SATL1: variants seen among roughly 807,000 people sequenced by gnomAD.
SATL1 encodes the protein spermidine/spermine N(1)-acetyltransferase-like protein 1.
A neutral mutation model predicts 51.8 loss-of-function variants in SATL1; 47 were observed. The observed-to-expected ratio is 0.91, with a 90% CI of 0.72 to 1.16. SATL1 has a LOEUF of 1.16. Ranked by LOEUF, SATL1 falls within the 50% of genes most tolerant of loss-of-function variation. SATL1 has a pLI of 0.00. For synonymous variants in SATL1, 176 were observed against 182.4 expected (o/e 0.97, Z 0.28); for missense variants, 520 against 526.4 (o/e 0.99, Z 0.12).
intron 2 of SATL1, among the ~76,000 whole-genome samples, chrX:85,202,146 G>A (rs192403907): frequency 9.0e-5 from 10 of 111,665 alleles, no homozygotes; most frequent in African/African-American, 3.2e-4. Flanking sequence ...TTTAATAATA[G>A]CTATTCTGAC....
chrX:85,094,771 A>C, intron 5 of SATL1, 145 bp downstream of exon 5: 1 of 436,900 alleles, frequency 2.3e-6, no homozygotes, highest in Non-Finnish European at 4.1e-6. Context: ...AAACATAAGT[A>C]CATACCATGC....
chrX:85,094,973 C>T lies in SATL1; in HGVS notation c.1717G>A (p.Asp573Asn), dbSNP rs779175858. 4 of 1,163,470 alleles carry T rather than the reference C, an allele frequency of 3.4e-6. No homozygotes were observed. The highest frequency in any genetic ancestry group is 4.7e-6 in the Non-Finnish European group (4 of 854,311). Reference sequence around the variant, plus strand: ...ATCAGGCAGTAGAAAAGGGGATTGTCCCCAAAGCCATCTCTGAGTAAATCT... The same window carrying T: ...ATCAGGCAGTAGAAAAGGGGATTGTTCCCAAAGCCATCTCTGAGTAAATCT... ...AADLLRDGFG[D>N]NPLFYCLIAE... is the part of the protein sequence containing the mutation. The change falls in exon 5 of 8, where the codon GAC (aspartate) becomes AAC (asparagine). Residue 573 changes from aspartate (D) to asparagine (N), a missense_variant. Around this residue, in one of 3 missense-constraint regions of SATL1, gnomAD observed 488 missense variants for 474.3 expected, o/e 1.03. Coordinates refer to ENST00000644105, the MANE Select transcript of SATL1 (RefSeq NM_001367857.2).
chrX:85,209,516 T>G (rs1301290006), intron 2 of SATL1: 1 of 111,874 alleles, frequency 8.9e-6, no homozygotes, highest in Non-Finnish European at 1.9e-5. Context: ...GAGCATGGAA[T>G]ATTCTTCCAT....
intron 2 of SATL1, among the ~76,000 whole-genome samples, chrX:85,163,149 C>T (rs1054434887): frequency 9.2e-6 from 1 of 108,486 alleles, no homozygotes; most frequent in African/African-American, 3.4e-5. Context: ...TGATAGAATT[C>T]AGCTGTGAAT....
chrX:85,225,040 C>T (rs764120134), intron 1 of SATL1, among the ~76,000 whole-genome samples: 1 of 111,392 alleles, frequency 9.0e-6, no homozygotes, highest in Non-Finnish European at 1.9e-5. Flanking sequence ...CATACTGTAA[C>T]TCCATTTTTA....
At chrX:85,234,038 T>A (rs1928433737) in intron 1 of SATL1, among the ~76,000 whole-genome samples, 1 of 110,771 alleles carries the variant, frequency 9.0e-6, no homozygotes, top group Non-Finnish European at 1.9e-5. Context: ...GAAAGGATAC[T>A]AAACACAGCA....
chrX:85,164,723 A>AT lies in SATL1; in HGVS notation c.-312-55444dup, dbSNP rs200523833. On this transcript the variant is annotated intron_variant, in intron 2 of 7. Transcript: ENST00000644105. Reference sequence around the variant, plus strand: ...TAATGACTATGTGCCTAGGTGATGAATTTTTTTTTTTTTTTTTTTAGATGG... The same window carrying AT: ...TAATGACTATGTGCCTAGGTGATGAATTTTTTTTTTTTTTTTTTTTAGATGG... 5.1e-3 allele frequency among the ~76,000 whole-genome samples: 474 copies of AT among 92,941 alleles called. 3 individuals carry two copies. Among genetic ancestry groups the AT allele is most frequent in the African/African-American group, 9.7e-3 (248 of 25,560 alleles). 80.7% of individuals were successfully genotyped at this position (92,941 alleles called of 115,157 possible). A position where few individuals can be genotyped will look rare whatever the true frequency, so the allele number is the denominator to read the frequency against.
chrX:85,148,208 G>A (rs760961211), intron 2 of SATL1, among the ~76,000 whole-genome samples: 41 of 111,740 alleles, frequency 3.7e-4, no homozygotes, highest in Admixed American at 6.7e-4. Context: ...GCAATCAACT[G>A]GAAGAAAGGG....
rs756568558 is a variant in SATL1, at chrX:85,095,808, A to G, written c.1694-812T>C. Among the ~76,000 whole-genome samples the G allele has an allele frequency of 8.3e-4, 73 of 88,142 alleles. 1 individual carries two copies. Among genetic ancestry groups the G allele is most frequent in the African/African-American group, 3.0e-3 (68 of 22,791 alleles). 76.5% of individuals were successfully genotyped at this position (88,142 alleles called of 115,157 possible). A position where few individuals can be genotyped will look rare whatever the true frequency, so the allele number is the denominator to read the frequency against. On this transcript the variant is annotated intron_variant, in intron 4 of 7. Transcript: ENST00000644105. ...GCCACTGCACTCCAGCCTGGGCGACAGAGCGAGACTCCGTCTCAAAAAAAA... is the reference window on the plus strand; with the variant it reads ...GCCACTGCACTCCAGCCTGGGCGACGGAGCGAGACTCCGTCTCAAAAAAAA...
At position 85,192,714 on chromosome X, in the gene SATL1, T is replaced by C. The variant is rs576232837; in HGVS notation, c.-313+31491A>G. 7.2e-5 allele frequency among the ~76,000 whole-genome samples: 8 copies of C among 111,727 alleles called. No homozygotes were observed. The East Asian group carries it at 2.0e-3, about 27-fold the overall frequency. On this transcript the variant is annotated intron_variant, in intron 2 of 7. Transcript: ENST00000644105. ...CATACTACATTGAATTATAAAAATA[T>C]GTCAATCCATATTCCGCATTAGTTT... is the stretch of plus-strand genomic sequence containing the variant.
chrX:85,148,954 C>G (rs1470453192), intron 2 of SATL1, among the ~76,000 whole-genome samples: 6 of 110,663 alleles, frequency 5.4e-5, no homozygotes, highest in Non-Finnish European at 1.1e-4. Flanking sequence ...GGATCAAATT[C>G]ACACATAACA....
chrX:85,166,929 ATATATATGTGTATG>A (rs1188579707), intron 2 of SATL1, among the ~76,000 whole-genome samples: 2 of 90,270 alleles, frequency 2.2e-5, no homozygotes, highest in Non-Finnish European at 4.1e-5. Flanking sequence ...ATATATATAT[ATATATATGTGTATG>A]TGTGTGTGTG....
intron 2 of SATL1, among the ~76,000 whole-genome samples, chrX:85,157,722 A>G (rs905393064): frequency 9.0e-6 from 1 of 111,720 alleles, no homozygotes; most frequent in African/African-American, 3.3e-5. Context: ...GCTATGTTCA[A>G]TAAATGTCAC....
chrX:85,092,943 T>A (rs1202029398), intron 7 of SATL1: 8 of 333,084 alleles, frequency 2.4e-5, no homozygotes, highest in Admixed American at 2.1e-4. Flanking sequence ...TTACTTTCCC[T>A]TGATAGCAAA....
At chrX:85,130,255 G>A (rs889393956) in intron 2 of SATL1, among the ~76,000 whole-genome samples, 1 of 111,350 alleles carries the variant, frequency 9.0e-6, no homozygotes, top group African/African-American at 3.3e-5. Flanking sequence ...GGTAGAATTC[G>A]GCTGTGAATC....
intron 2 of SATL1, among the ~76,000 whole-genome samples, chrX:85,125,086 C>T (rs1394079575): frequency 9.1e-6 from 1 of 110,426 alleles, no homozygotes; most frequent in Non-Finnish European, 1.9e-5. Context: ...GCAGTTCTTC[C>T]TTATCTTAGG....
intron 2 of SATL1, among the ~76,000 whole-genome samples, chrX:85,179,284 G>A (rs1020124533): frequency 9.0e-6 from 1 of 111,564 alleles, no homozygotes; most frequent in African/African-American, 3.2e-5. Flanking sequence ...TTTGAGACAA[G>A]TGCTATTCTT....
chrX:85,182,861 A>G (rs1363453461), intron 2 of SATL1, among the ~76,000 whole-genome samples: 1 of 111,262 alleles, frequency 9.0e-6, no homozygotes, highest in Non-Finnish European at 1.9e-5. Context: ...TTTTTCATGT[A>G]TTTGTTGGCC....
At position 85,092,359 on chromosome X, in the gene SATL1, C is replaced by G; in HGVS notation, c.*32G>C. Reference sequence around the variant, plus strand: ...TCAGGTGACAGTCAAATGTTGGAGGCTGTGTTGGGATGAGTTGTTACAAAG... The same window carrying G: ...TCAGGTGACAGTCAAATGTTGGAGGGTGTGTTGGGATGAGTTGTTACAAAG... On this transcript the variant is annotated 3_prime_UTR_variant, in exon 8 of 8. Coordinates refer to ENST00000644105, the MANE Select transcript of SATL1 (RefSeq NM_001367857.2). 2 of 1,144,425 alleles carry G rather than the reference C, an allele frequency of 1.7e-6. No individual in the cohort carries two copies. The highest frequency in any genetic ancestry group is 2.3e-6 in the Non-Finnish European group (2 of 862,091). The allele number at this position is 1,144,425 out of a possible 1,213,427, so 94.3% of individuals were successfully genotyped here.
Sources: allele counts gnomAD v4.1 joint callset (sites outside exome capture counted in the v4.1 genomes callset), GRCh38; gene constraint gnomAD v4.1.1; regional missense constraint gnomAD v4.1.1; transcripts MANE v1.5; gene names NCBI Gene and HGNC (gene_info 2026-07-23, HGNC 2026-07-21).